The following COL8A1 variants were observed in gnomAD, a reference collection of about 807,000 sequenced individuals.
COL8A1 encodes the protein collagen type VIII alpha 1 chain, also known as collagen alpha-1(VIII) chain.
A neutral mutation model predicts 42.7 loss-of-function variants in COL8A1; 21 were observed. The ratio of observed to expected loss-of-function variants is 0.49; its 90% confidence interval spans 0.35 to 0.71. The LOEUF is 0.71. Among genes scored for constraint, COL8A1 ranks in the 30% least tolerant of loss-of-function variants. COL8A1 has a pLI of 0.01. For synonymous variants in COL8A1, 367 were observed against 369.1 expected, an observed-to-expected ratio of 0.99 and a Z score of 0.06; for missense variants, 788 against 962.4, an observed-to-expected ratio of 0.82 and a Z score of 2.40.
At chr3:99,766,982 G>A (rs528429376) in intron 2 of COL8A1, among the ~76,000 whole-genome samples, 1 of 152,100 alleles carries the variant, frequency 6.6e-6, no homozygotes, top group South Asian at 2.1e-4. Flanking sequence ...CTAGGGGAGG[G>A]GGACTCTCAT....
chr3:99,725,582 C>G (rs973217659), intron 1 of COL8A1, among the ~76,000 whole-genome samples: 1 of 111,194 alleles, frequency 9.0e-6, no homozygotes, highest in African/African-American at 3.6e-5. Flanking sequence ...CACCCTACAA[C>G]AGTCCCAAGA....
intron 1 of COL8A1, among the ~76,000 whole-genome samples, chr3:99,655,092 A>G (rs1937975554): frequency 6.6e-6 from 1 of 152,176 alleles, no homozygotes; most frequent in Non-Finnish European, 1.5e-5. Flanking sequence ...CACTTAGAGA[A>G]CAAATGCACG....
chr3:99,669,123 T>TTA (rs775831851), intron 1 of COL8A1, among the ~76,000 whole-genome samples: 5,777 of 96,396 alleles, frequency 0.06, 205 homozygotes, highest in East Asian at 0.12. Context: ...CTTAAAAAAA[T>TTA]TATATATATA....
chr3:99,785,952 AT>A (rs2107451696), intron 2 of COL8A1, among the ~76,000 whole-genome samples: 1 of 152,354 alleles, frequency 6.6e-6, no homozygotes, highest in African/African-American at 2.4e-5. Flanking sequence ...GAAAATAATT[AT>A]CTTCCAGGAA....
chr3:99,731,610 C>T (rs1559620671), intron 1 of COL8A1, among the ~76,000 whole-genome samples: 1 of 152,236 alleles, frequency 6.6e-6, no homozygotes, highest in East Asian at 1.9e-4. Flanking sequence ...TCAAAGTGCA[C>T]CTCATCTGCT....
At chr3:99,695,131 C>G (rs1353570789) in intron 1 of COL8A1, among the ~76,000 whole-genome samples, 1 of 151,944 alleles carries the variant, frequency 6.6e-6, no homozygotes, top group Non-Finnish European at 1.5e-5. Flanking sequence ...ATCTAGCAGT[C>G]ATATTTAAAA....
At chr3:99,761,488 A>C (rs1941363813) in intron 2 of COL8A1, among the ~76,000 whole-genome samples, 1 of 152,196 alleles carries the variant, frequency 6.6e-6, no homozygotes, top group Admixed American at 6.6e-5. Flanking sequence ...TTCTAAGACT[A>C]AGTTTCTTCT....
At position 99,795,468 on chromosome 3, in the gene COL8A1, C is replaced by A; in HGVS notation, c.1567C>A (p.Leu523Ile). 6.5e-7 allele frequency: 1 copy of A among 1,531,226 alleles called. No homozygotes were observed. Among genetic ancestry groups the A allele is most frequent in the South Asian group, 1.2e-5 (1 of 83,268 alleles). The allele number at this position is 1,531,226 out of a possible 1,614,324, so 94.9% of individuals were successfully genotyped here. ...GIPGPKGEPG[L>I]PGPPGFPGIG... is the part of the protein sequence containing the mutation. Reference sequence around the variant, plus strand: ...TCCAGGCCCCAAAGGGGAGCCGGGCCTCCCAGGGCCCCCTGGGTTCCCTGG... The same window carrying A: ...TCCAGGCCCCAAAGGGGAGCCGGGCATCCCAGGGCCCCCTGGGTTCCCTGG... The change falls in exon 4 of 4, where the codon CTC (leucine) becomes ATC (isoleucine). Residue 523 changes from leucine (L) to isoleucine (I), a missense_variant. Around this residue, in one of 4 missense-constraint regions of COL8A1, gnomAD observed 154 missense variants for 182.3 expected, o/e 0.84. Coordinates refer to ENST00000652472, the MANE Select transcript of COL8A1 (RefSeq NM_020351.4).
chr3:99,703,574 A>G (rs1345170123), intron 1 of COL8A1: 2 of 152,246 alleles, frequency 1.3e-5, no homozygotes, highest in African/African-American at 4.8e-5. Context: ...GTAGAAAATA[A>G]GTCAGAAATA....
intron 1 of COL8A1, among the ~76,000 whole-genome samples, chr3:99,741,882 C>A (rs985967359): frequency 6.6e-6 from 1 of 152,144 alleles, no homozygotes; most frequent in African/African-American, 2.4e-5. Flanking sequence ...AGAGGAGAAA[C>A]AAAGAATCTG....
intron 1 of COL8A1, among the ~76,000 whole-genome samples, chr3:99,639,019 C>G (rs775288873): frequency 6.6e-6 from 1 of 151,972 alleles, no homozygotes; most frequent in African/African-American, 2.4e-5. Context: ...AAACGTTGTC[C>G]CATTGTCAAA....
At chr3:99,733,543 T>G (rs1450648699) in intron 1 of COL8A1, among the ~76,000 whole-genome samples, 1 of 152,026 alleles carries the variant, frequency 6.6e-6, no homozygotes, top group Non-Finnish European at 1.5e-5. Context: ...TAATCCAGTC[T>G]ATCATTGTTG....
chr3:99,653,859 G>C (rs764260757), intron 1 of COL8A1, among the ~76,000 whole-genome samples: 26 of 151,874 alleles, frequency 1.7e-4, no homozygotes, highest in Non-Finnish European at 3.1e-4. Context: ...TTCTCTAGAG[G>C]GACAGAGCTA....
At chr3:99,705,752 T>C (rs750970791) in intron 1 of COL8A1, among the ~76,000 whole-genome samples, 38 of 152,154 alleles carry the variant, frequency 2.5e-4, no homozygotes, top group Admixed American at 8.5e-4. Flanking sequence ...TGCTCTTGTT[T>C]TGGGGATGAA....
intron 1 of COL8A1, among the ~76,000 whole-genome samples, chr3:99,725,083 G>C (rs1940266186): frequency 6.6e-6 from 1 of 152,058 alleles, no homozygotes. Context: ...ATAAACAACA[G>C]CTGTTACTAT....
chr3:99,672,182 T>G (rs1469987453), intron 1 of COL8A1, among the ~76,000 whole-genome samples: 1 of 152,070 alleles, frequency 6.6e-6, no homozygotes, highest in Non-Finnish European at 1.5e-5. Context: ...CAGTAAGAAT[T>G]AATTAACGTC....
In COL8A1 at chr3:99,749,255, T is replaced by G. The variant is rs114370084; in HGVS notation, c.-4+4234T>G. Among the ~76,000 whole-genome samples the G allele has an allele frequency of 6.3e-3, 949 of 151,304 alleles. 7 individuals carry two copies. Among genetic ancestry groups the G allele is most frequent in the African/African-American group, 0.018 (752 of 40,650 alleles). Reference sequence around the variant, plus strand: ...GTGGGCTCAAGTACCATGCTAAGAGTTACACCAAGGTTCTCTCACTTCATC... The same window carrying G: ...GTGGGCTCAAGTACCATGCTAAGAGGTACACCAAGGTTCTCTCACTTCATC... On this transcript the variant is annotated intron_variant, in intron 2 of 3. Transcript: ENST00000652472.
intron 2 of COL8A1, among the ~76,000 whole-genome samples, chr3:99,754,861 C>A (rs1258608856): frequency 6.6e-6 from 1 of 152,120 alleles, no homozygotes; most frequent in African/African-American, 2.4e-5. Flanking sequence ...AGTTATCAAA[C>A]CAAAGTACTA....
At position 99,794,090 on chromosome 3, in the gene COL8A1, G is replaced by C. The variant is rs1942054522; in HGVS notation, c.329-140G>C. On this transcript the variant is annotated intron_variant, in intron 3 of 3. Transcript: ENST00000652472. This position sits in a 1 kb window ranked among gnomAD's most constrained non-coding sequence, Gnocchi z 4.3. ...CTAGAAGATGAGCATATTATTCCTA[G>C]TCTTTTCTCTTGATAAGTATTAGGC... The C allele has an allele frequency of 1.8e-6, 1 of 570,494 alleles. No individual in the cohort carries two copies. The highest frequency in any genetic ancestry group is 3.1e-5 in the Admixed American group (1 of 32,256). The allele number at this position is 570,494 out of a possible 1,614,324, so 35.3% of individuals were successfully genotyped here. A position where few individuals can be genotyped will look rare whatever the true frequency, so the allele number is the denominator to read the frequency against.
Sources: allele counts gnomAD v4.1 joint callset (sites outside exome capture counted in the v4.1 genomes callset), GRCh38; gene constraint gnomAD v4.1.1; regional missense constraint gnomAD v4.1.1; non-coding constraint Gnocchi (gnomAD v3.1); transcripts MANE v1.5; gene names NCBI Gene and HGNC (gene_info 2026-07-23, HGNC 2026-07-21).